Variants in GLRA3 observed in about 807,000 individuals in gnomAD.
GLRA3 encodes glycine receptor subunit alpha-3.
GLRA3 carries 44 observed loss-of-function variants against 60.4 expected under a neutral mutation model. The ratio of observed to expected loss-of-function variants is 0.73; its 90% CI spans 0.57 to 0.94. GLRA3 has a LOEUF of 0.94. Ranked by LOEUF, GLRA3 falls within the 40% of genes least tolerant of loss-of-function variation. GLRA3 has a pLI of 0.00. For synonymous variants in GLRA3, 223 were observed against 192.9 expected (o/e 1.16, Z -1.29); for missense variants, 508 against 564.6 (o/e 0.90, Z 1.02).
At chr4:174,762,190 T>G (rs951850987) in intron 3 of GLRA3, among the ~76,000 whole-genome samples, 6 of 152,176 alleles carry the variant, frequency 3.9e-5, no homozygotes, top group African/African-American at 1.4e-4. Context: ...TTTTCAAATT[T>G]TAAAATAAAT....
chr4:174,718,047 A>T (rs1362525610), intron 4 of GLRA3, among the ~76,000 whole-genome samples: 1 of 152,236 alleles, frequency 6.6e-6, no homozygotes, highest in East Asian at 1.9e-4. Context: ...TTCTAAAAAA[A>T]TAGCACTTGA....
chr4:174,755,570 G>A (rs1437719515), intron 3 of GLRA3, among the ~76,000 whole-genome samples: 2 of 151,976 alleles, frequency 1.3e-5, no homozygotes, highest in South Asian at 2.1e-4. Context: ...TTTCAGTGAA[G>A]GAATCTAAAA....
At chr4:174,746,633 C>T (rs978332925) in intron 3 of GLRA3, among the ~76,000 whole-genome samples, 1 of 152,142 alleles carries the variant, frequency 6.6e-6, no homozygotes, top group Non-Finnish European at 1.5e-5. Flanking sequence ...GTATATTTCA[C>T]AGTAACTGGA....
intron 4 of GLRA3, among the ~76,000 whole-genome samples, chr4:174,717,987 AATTC>A (rs1735987575): frequency 6.6e-6 from 1 of 152,170 alleles, no homozygotes; most frequent in South Asian, 2.1e-4. Flanking sequence ...TGTGATGTCA[AATTC>A]ATATCCTGGC....
chr4:174,808,747 G>T (rs908548832), intron 1 of GLRA3, among the ~76,000 whole-genome samples: 2 of 151,978 alleles, frequency 1.3e-5, no homozygotes, highest in African/African-American at 2.4e-5. Context: ...TGTAGGCACA[G>T]GCTAATGTGT....
chr4:174,669,492 T>C (rs561137350), intron 7 of GLRA3, among the ~76,000 whole-genome samples: 2 of 152,318 alleles, frequency 1.3e-5, no homozygotes, highest in South Asian at 4.1e-4. Flanking sequence ...GCTGGTGGAA[T>C]GTTCATGCTG....
intron 1 of GLRA3, among the ~76,000 whole-genome samples, chr4:174,815,062 T>C (rs944876958): frequency 7.9e-5 from 12 of 152,176 alleles, no homozygotes; most frequent in Non-Finnish European, 4.4e-5. Context: ...GCAATGGGGT[T>C]ATAGGCACTG....
In GLRA3 at chr4:174,638,061, G is replaced by C. The variant is rs1211747631; in HGVS notation, c.*5725C>G. 1 of 152,010 alleles carries C rather than the reference G, an allele frequency of 6.6e-6. No homozygotes were observed. The highest frequency in any genetic ancestry group is 1.5e-5 in the Non-Finnish European group (1 of 68,000). 9.4% of individuals were successfully genotyped at this position (152,010 alleles called of 1,614,324 possible). On this transcript the variant is annotated 3_prime_UTR_variant, in exon 10 of 10. Transcript: ENST00000274093. ...TATATGCTAGTTGTCTTATAGGAGG[G>C]GAATAAACTTACTTGGTATTTTAGG...
chr4:174,758,342 T>A (rs1033190714), intron 3 of GLRA3, among the ~76,000 whole-genome samples: 1 of 152,158 alleles, frequency 6.6e-6, no homozygotes, highest in African/African-American at 2.4e-5. Context: ...TATATACTCT[T>A]GATAAAAAGT....
At chr4:174,815,234 C>T (rs1740439750) in intron 1 of GLRA3, among the ~76,000 whole-genome samples, 1 of 152,200 alleles carries the variant, frequency 6.6e-6, no homozygotes, top group Non-Finnish European at 1.5e-5. Context: ...AAGAGGTGGG[C>T]TCCCATGGCC....
chr4:174,644,339 C>G (rs1265737293), intron 9 of GLRA3, among the ~76,000 whole-genome samples: 1 of 149,704 alleles, frequency 6.7e-6, no homozygotes, highest in Non-Finnish European at 1.5e-5. Context: ...CTACATATTG[C>G]TTGAATATCT....
Position 174,828,837 on chromosome 4 carries a change from G to A in GLRA3, c.-26C>T. 2.7e-6 allele frequency: 4 copies of A among 1,489,766 alleles called. No individual in the cohort carries two copies. The highest frequency in any genetic ancestry group is 3.8e-6 in the Non-Finnish European group (4 of 1,066,576). The allele number at this position is 1,489,766 out of a possible 1,614,324, so 92.3% of individuals were successfully genotyped here. On this transcript the variant is annotated 5_prime_UTR_variant, in exon 1 of 10. Transcript: ENST00000274093. ...GATACGGAGAGATATTCACGATCCT[G>A]AAAATAGTCTTATCCAAGGCATGGG...
chr4:174,790,606 ACTT>A (rs1216073699), intron 1 of GLRA3, among the ~76,000 whole-genome samples: 2 of 151,796 alleles, frequency 1.3e-5, no homozygotes, highest in African/African-American at 4.8e-5. Flanking sequence ...CAGAAAATAA[ACTT>A]CTACCTCCTC....
At chr4:174,798,809 A>G (rs992751923) in intron 1 of GLRA3, among the ~76,000 whole-genome samples, 1 of 152,150 alleles carries the variant, frequency 6.6e-6, no homozygotes, top group African/African-American at 2.4e-5. Flanking sequence ...CTGTAGTCCC[A>G]GCTACTCGGG....
At chr4:174,801,904 T>C (rs908534950) in intron 1 of GLRA3, among the ~76,000 whole-genome samples, 1 of 152,116 alleles carries the variant, frequency 6.6e-6, no homozygotes, top group Non-Finnish European at 1.5e-5. Context: ...GATTGGTATA[T>C]GTCTATCTGC....
At chr4:174,683,586 T>C (rs1369230462) in intron 5 of GLRA3, among the ~76,000 whole-genome samples, 2 of 152,124 alleles carry the variant, frequency 1.3e-5, no homozygotes, top group Non-Finnish European at 2.9e-5. Flanking sequence ...CCTGACCTCA[T>C]GATCTGCCTG....
chr4:174,779,584 A>C (rs1215347675), intron 2 of GLRA3, among the ~76,000 whole-genome samples: 1 of 152,158 alleles, frequency 6.6e-6, no homozygotes. Flanking sequence ...AGAAGAATGT[A>C]TAACTAGAAT....
At chr4:174,645,565 G>C (rs549084951) in intron 9 of GLRA3, among the ~76,000 whole-genome samples, 1 of 152,154 alleles carries the variant, frequency 6.6e-6, no homozygotes, top group East Asian at 1.9e-4. Flanking sequence ...ATGCAGTAAG[G>C]TATAAAATAG....
At chr4:174,709,000 A>G (rs570811096) in intron 5 of GLRA3, among the ~76,000 whole-genome samples, 1 of 152,106 alleles carries the variant, frequency 6.6e-6, no homozygotes, top group East Asian at 1.9e-4. Context: ...TTTCTCTTCT[A>G]TATCATTCTA....
Sources: allele counts gnomAD v4.1 joint callset (sites outside exome capture counted in the v4.1 genomes callset), GRCh38; gene constraint gnomAD v4.1.1; transcripts MANE v1.5; gene names NCBI Gene and HGNC (gene_info 2026-07-23, HGNC 2026-07-21).